Variants in KHDRBS1 observed in about 807,000 individuals in gnomAD.
KHDRBS1 encodes KH domain-containing, RNA-binding, signal transduction-associated protein 1.
Under a neutral mutation model 48.4 loss-of-function variants are expected in KHDRBS1, and 7 were observed. That is an observed-to-expected ratio of 0.14 (90% CI 0.08 to 0.27). KHDRBS1 has a LOEUF of 0.27. Ranked by LOEUF, KHDRBS1 falls within the 10% of genes least tolerant of loss-of-function variation. The pLI is 1.00. For synonymous variants in KHDRBS1, 241 were observed against 235.8 expected (o/e 1.02, Z -0.20); for missense variants, 458 against 601.2 (o/e 0.76, Z 2.49).
In KHDRBS1 at chr1:32,036,795, A is replaced by G. The variant is rs182751723; in HGVS notation, c.772-115A>G. 3.2e-5 allele frequency: 36 copies of G among 1,114,986 alleles called. No homozygotes were observed. In the East Asian group the frequency reaches 7.6e-4, roughly 23 times the overall value. The allele number at this position is 1,114,986 out of a possible 1,614,324, so 69.1% of individuals were successfully genotyped here. A position where few individuals can be genotyped will look rare whatever the true frequency, so the allele number is the denominator to read the frequency against. On this transcript the variant is annotated intron_variant, in intron 4 of 8. Transcript: ENST00000327300. ...GACTTCAGAGAAGGAATGACCTGAG[A>G]CCTCATCTGGGCTCTCAAGAGCTCT...
At chr1:32,025,931 T>TATATATATATA (rs1557892025) in intron 1 of KHDRBS1, among the ~76,000 whole-genome samples, 3 of 144,240 alleles carry the variant, frequency 2.1e-5, no homozygotes, top group African/African-American at 8.0e-5. Flanking sequence ...ATATATATAT[T>TATATATATATA]TATTTATTTA....
chr1:32,015,307 T>A (rs1428004941), intron 1 of KHDRBS1, among the ~76,000 whole-genome samples: 1 of 152,182 alleles, frequency 6.6e-6, no homozygotes, highest in Non-Finnish European at 1.5e-5. Flanking sequence ...GATTTTTCCC[T>A]AAAGCTGTCT....
downstream of KHDRBS1, among the ~76,000 whole-genome samples, chr1:32,046,186 C>CTT (rs796185962): frequency 2.2e-3 from 303 of 140,884 alleles, 2 homozygotes; most frequent in East Asian, 1.0e-3. Context: ...AAGGGTATTT[C>CTT]TTTTTTTTTT....
At chr1:32,031,009 G>A (rs1295569374) in intron 2 of KHDRBS1, among the ~76,000 whole-genome samples, 1 of 152,152 alleles carries the variant, frequency 6.6e-6, no homozygotes, top group African/African-American at 2.4e-5. Flanking sequence ...AGCACTTTGG[G>A]AGGCCGATGC....
chr1:32,057,057 G>A (rs1361573386), intron 10 of KHDRBS1, among the ~76,000 whole-genome samples: 1 of 152,220 alleles, frequency 6.6e-6, no homozygotes, highest in Non-Finnish European at 1.5e-5. Flanking sequence ...AGGAAATGAT[G>A]TTTAAGCCAA....
intron 10 of KHDRBS1, among the ~76,000 whole-genome samples, chr1:32,054,216 A>G (rs936745614): frequency 1.3e-5 from 2 of 152,180 alleles, no homozygotes; most frequent in Non-Finnish European, 2.9e-5. Flanking sequence ...TGAGCTATTT[A>G]ATGCCTTAAG....
At chr1:32,017,774 A>G (rs1360523643) in intron 1 of KHDRBS1, among the ~76,000 whole-genome samples, 1 of 151,482 alleles carries the variant, frequency 6.6e-6, no homozygotes, top group Non-Finnish European at 1.5e-5. Context: ...CGCCCGGCTA[A>G]TTTCGTATTT....
chr1:32,053,998 C>T (rs567002077), intron 10 of KHDRBS1, among the ~76,000 whole-genome samples: 12 of 152,118 alleles, frequency 7.9e-5, no homozygotes, highest in Admixed American at 4.6e-4. Context: ...GCAGGAGAAT[C>T]GCTTGTACCC....
intron 1 of KHDRBS1, among the ~76,000 whole-genome samples, 157 bp downstream of exon 1, chr1:32,014,534 C>G (rs1371838947): frequency 6.6e-6 from 1 of 152,246 alleles, no homozygotes; most frequent in African/African-American, 2.4e-5. Context: ...ACATTCCCAC[C>G]TCAGCCCGGA....
At chr1:32,038,864 G>A (rs1639233388) in intron 7 of KHDRBS1, among the ~76,000 whole-genome samples, 2 of 152,124 alleles carry the variant, frequency 1.3e-5, no homozygotes, top group African/African-American at 4.8e-5. Flanking sequence ...TTTCCTCTGC[G>A]TTTGACATCT....
Position 32,042,527 on chromosome 1 carries a change from G to T in KHDRBS1, c.1235G>T (p.Gly412Val), listed in dbSNP as rs752076775. The change falls in exon 9 of 9, where the codon GGC (glycine) becomes GTC (valine). Residue 412 changes from glycine to valine, a missense_variant and splice_region_variant. Gly to Val is a moderately radical substitution (Grantham distance 109). Coordinates refer to ENST00000327300, the MANE Select transcript of KHDRBS1 (RefSeq NM_006559.3). ...GEVQDSYEAY[G>V]QDDWNGTRPS... is the part of the protein sequence containing the mutation. The stretch of plus-strand genomic sequence containing the variant: ...TAAACTGTCTTTGTTTTCCCCACAG[G>T]CCAGGACGACTGGAATGGGACCAGG... 1.2e-6 allele frequency: 2 copies of T among 1,611,118 alleles called. No homozygotes were observed. The highest frequency in any genetic ancestry group is 2.2e-5 in the South Asian group (2 of 90,980).
At chr1:32,049,434 T>C (rs1014663017) in intron 10 of KHDRBS1, among the ~76,000 whole-genome samples, 4 of 152,058 alleles carry the variant, frequency 2.6e-5, no homozygotes, top group African/African-American at 7.2e-5. Context: ...CTTTTTTTTT[T>C]TTTTACTGTT....
At chr1:32,026,909 C>G (rs765240269) in intron 1 of KHDRBS1, among the ~76,000 whole-genome samples, 25 of 152,178 alleles carry the variant, frequency 1.6e-4, no homozygotes, top group South Asian at 4.1e-4. Context: ...ATTCTCCTCC[C>G]TCAGCCTCCT....
rs774460777 is a variant in KHDRBS1, at chr1:32,042,635, GA to G, written c.*12del. ...TATGGACGTTATTAAAAACAAACATGAGGGGAAAATATCAGTTATGAGCAAA... is the reference window on the plus strand; with the variant it reads ...TATGGACGTTATTAAAAACAAACATGGGGGAAAATATCAGTTATGAGCAAA... On this transcript the variant is annotated 3_prime_UTR_variant, in exon 9 of 9. Coordinates refer to ENST00000327300, the MANE Select transcript of KHDRBS1 (RefSeq NM_006559.3). 6.5e-6 allele frequency: 10 copies of G among 1,531,698 alleles called. No homozygotes were observed. The highest frequency in any genetic ancestry group is 9.0e-6 in the Non-Finnish European group (10 of 1,105,678). 94.9% of individuals were successfully genotyped at this position (1,531,698 alleles called of 1,614,324 possible). A position where few individuals can be genotyped will look rare whatever the true frequency, so the allele number is the denominator to read the frequency against.
At chr1:32,054,874 C>A (rs1240964172) in intron 10 of KHDRBS1, among the ~76,000 whole-genome samples, 1 of 152,120 alleles carries the variant, frequency 6.6e-6, no homozygotes, top group South Asian at 2.1e-4. Flanking sequence ...AGATTGGACA[C>A]CCTAGAATTA....
intron 8 of KHDRBS1, 39 bp downstream of exon 8, chr1:32,039,612 T>TAA: frequency 9.6e-7 from 1 of 1,046,222 alleles, no homozygotes; most frequent in Non-Finnish European, 1.5e-6. Context: ...AATGTACAAG[T>TAA]AAGTGCCTGG....
At chr1:32,045,439 CTG>C (rs1462705192), downstream of KHDRBS1, 1 of 152,604 alleles carries the variant, frequency 6.6e-6, no homozygotes, top group Non-Finnish European at 1.5e-5. Flanking sequence ...TTTATCATAA[CTG>C]TAAAACAGTT....
chr1:32,060,663 A>C (rs1035770972), exon 11 of KHDRBS1: 2 of 152,210 alleles, frequency 1.3e-5, no homozygotes, highest in Admixed American at 1.3e-4. Flanking sequence ...AGGAAAGCCA[A>C]GTGAGAAGAT....
chr1:32,054,419 A>C (rs554099011), intron 10 of KHDRBS1: 1 of 152,206 alleles, frequency 6.6e-6, no homozygotes, highest in South Asian at 2.1e-4. Flanking sequence ...AAGGAGACTC[A>C]TCTCTCCTGT....
Sources: gnomAD v4.1 joint callset for allele counts (sites outside exome capture counted in the v4.1 genomes callset) on GRCh38, gnomAD v4.1.1 for gene constraint, MANE v1.5 for transcripts, NCBI Gene and HGNC (gene_info 2026-07-23, HGNC 2026-07-21) for gene names.